CDH17: variants seen among roughly 807,000 people sequenced by gnomAD.
CDH17 encodes the protein cadherin 17.
In CDH17, 67 loss-of-function variants were observed where a neutral mutation model predicts 86.3. That is an observed-to-expected ratio of 0.78 (90% confidence interval 0.64 to 0.95). The LOEUF (loss-of-function observed/expected upper bound fraction) is 0.95, where lower values mean the gene tolerates loss of function less well. Ranked by LOEUF, CDH17 falls within the 40% of genes least tolerant of loss-of-function variation. The pLI, the probability that CDH17 is intolerant of heterozygous loss-of-function variation, is 0.00. For missense variants in CDH17, 993 were observed against 1,017.6 expected, an observed-to-expected ratio of 0.98 and a Z score of 0.33; for synonymous variants, 367 against 366.4, an observed-to-expected ratio of 1.00 and a Z score of -0.02.
At chr8:94,136,257 T>G (rs973484067) in intron 15 of CDH17, among the ~76,000 whole-genome samples, 4 of 152,246 alleles carry the variant, frequency 2.6e-5, no homozygotes, top group Non-Finnish European at 5.9e-5. Flanking sequence ...GTTTTCCAAC[T>G]TGGTTTCATT....
At chr8:94,184,459 A>G (rs1040034068) in intron 3 of CDH17, among the ~76,000 whole-genome samples, 3 of 152,246 alleles carry the variant, frequency 2.0e-5, no homozygotes, top group Non-Finnish European at 4.4e-5. Context: ...ATGGTACATA[A>G]AAGAAGTCAT....
In CDH17 at chr8:94,162,212, TTAA is replaced by T. The variant is rs754207829; in HGVS notation, c.1283-53_1283-51del. On this transcript the variant is annotated intron_variant, in intron 10 of 17. Coordinates refer to ENST00000027335, the MANE Select transcript of CDH17 (RefSeq NM_004063.4). Reference sequence around the variant, plus strand: ...AGAAATTTTCACTGAAAACCATGCATTAATATCAGAAATCTGCAAGAAAATACT... The same window carrying T: ...AGAAATTTTCACTGAAAACCATGCATTATCAGAAATCTGCAAGAAAATACT... The T allele has an allele frequency of 5.1e-6, 6 of 1,181,918 alleles. No individual in the cohort carries two copies. The African/African-American group carries it at 9.1e-5, about 18-fold the overall frequency. 73.2% of individuals were successfully genotyped at this position (1,181,918 alleles called of 1,614,324 possible).
chr8:94,152,873 G>C (rs765551589), intron 12 of CDH17, among the ~76,000 whole-genome samples: 1 of 152,134 alleles, frequency 6.6e-6, no homozygotes, highest in East Asian at 1.9e-4. Flanking sequence ...TTGCCATGTT[G>C]GCCAGGCTGG....
chr8:94,151,418 C>A (rs1029213170), intron 13 of CDH17, among the ~76,000 whole-genome samples: 1 of 152,188 alleles, frequency 6.6e-6, no homozygotes, highest in Non-Finnish European at 1.5e-5. Context: ...ATCCTACATC[C>A]AGAAGATTCC....
intron 11 of CDH17, 125 bp from the exon 12 acceptor site, chr8:94,160,287 G>T: frequency 1.5e-6 from 1 of 664,454 alleles, no homozygotes; most frequent in Admixed American, 3.2e-5. Flanking sequence ...CATGGGGCAT[G>T]TTTTTTCCTA....
intron 1 of CDH17, among the ~76,000 whole-genome samples, chr8:94,200,537 G>T (rs4735276): frequency 0.43 from 24,731 of 57,270 alleles, 5,262 homozygotes; most frequent in Middle Eastern, 0.55. Flanking sequence ...ATTATCTTTT[G>T]TTTTTTTTTT....
chr8:94,171,107 T>C, intron 7 of CDH17, 122 bp from the exon 8 acceptor site: 1 of 1,006,022 alleles, frequency 9.9e-7, no homozygotes, highest in Non-Finnish European at 1.4e-6. Flanking sequence ...TGGTTTCTTG[T>C]AACAACTGAA....
chr8:94,215,587 T>C (rs1406666136), intron 1 of CDH17, among the ~76,000 whole-genome samples: 1 of 152,208 alleles, frequency 6.6e-6, no homozygotes, highest in African/African-American at 2.4e-5. Flanking sequence ...GTTGCACAAC[T>C]CTGAGAATAC....
chr8:94,212,474 T>C (rs1814138193), upstream of CDH17, among the ~76,000 whole-genome samples: 2 of 149,928 alleles, frequency 1.3e-5, no homozygotes, highest in Non-Finnish European at 1.5e-5. Flanking sequence ...TTGGGGTTTT[T>C]GTTTGGAGGC....
chr8:94,166,100 C>T lies in CDH17; in HGVS notation c.1067-124G>A, dbSNP rs1281219757. The T allele has an allele frequency of 1.7e-5, 11 of 647,152 alleles. No homozygotes were observed. The East Asian group carries it at 2.4e-4, about 14-fold the overall frequency. The allele number at this position is 647,152 out of a possible 1,614,324, so 40.1% of individuals were successfully genotyped here. A position where few individuals can be genotyped will look rare whatever the true frequency, so the allele number is the denominator to read the frequency against. The stretch of plus-strand genomic sequence containing the variant: ...AATAACTTTGAATAGCAGACAAATG[C>T]TCTTAGAGTTATTTTGGTTCTTCTC... On this transcript the variant is annotated intron_variant, in intron 9 of 17. Coordinates refer to ENST00000027335, the MANE Select transcript of CDH17 (RefSeq NM_004063.4).
At chr8:94,174,349 T>C in intron 5 of CDH17, 89 bp from the exon 6 acceptor site, 1 of 1,319,178 alleles carries the variant, frequency 7.6e-7, no homozygotes, top group Non-Finnish European at 1.0e-6. Context: ...ATCTAAAAAG[T>C]GGAGATATAA....
chr8:94,130,479 G>A (rs1453755944), intron 17 of CDH17, 147 bp downstream of exon 17: 1 of 590,534 alleles, frequency 1.7e-6, no homozygotes, highest in African/African-American at 1.9e-5. Context: ...AAAGTCTGAT[G>A]TAATTTGCTG....
At chr8:94,165,431 A>C (rs1813133170) in intron 10 of CDH17, among the ~76,000 whole-genome samples, 1 of 151,998 alleles carries the variant, frequency 6.6e-6, no homozygotes, top group African/African-American at 2.4e-5. Flanking sequence ...TCAGGCTTGT[A>C]TTTAGGTCTG....
intron 3 of CDH17, among the ~76,000 whole-genome samples, chr8:94,184,162 A>G (rs1248898974): frequency 6.6e-6 from 1 of 152,146 alleles, no homozygotes; most frequent in Admixed American, 6.5e-5. Flanking sequence ...TGGTTTCTCA[A>G]AAGTTTAAAC....
intron 1 of CDH17, among the ~76,000 whole-genome samples, chr8:94,199,757 G>T (rs1254409833): frequency 6.6e-6 from 1 of 152,088 alleles, no homozygotes. Context: ...CACACCATGC[G>T]GTTGTTAGGA....
At chr8:94,138,188 T>A (rs1453561952) in intron 15 of CDH17, among the ~76,000 whole-genome samples, 1 of 151,978 alleles carries the variant, frequency 6.6e-6, no homozygotes, top group Non-Finnish European at 1.5e-5. Context: ...TGCCAAGAAA[T>A]TTTCCCAAAT....
At chr8:94,164,291 G>A in intron 10 of CDH17, among the ~76,000 whole-genome samples, 1 of 152,036 alleles carries the variant, frequency 6.6e-6, no homozygotes, top group Admixed American at 6.6e-5. Context: ...TTCCTTCATG[G>A]GCTACCTTGG....
chr8:94,149,335 A>G (rs1343421282), intron 13 of CDH17, among the ~76,000 whole-genome samples: 4 of 152,168 alleles, frequency 2.6e-5, no homozygotes, highest in Non-Finnish European at 5.9e-5. Context: ...AGACCCTGGT[A>G]ACACAGTGAA....
intron 12 of CDH17, among the ~76,000 whole-genome samples, chr8:94,153,995 T>C (rs1812903718): frequency 6.6e-6 from 1 of 152,230 alleles, no homozygotes; most frequent in African/African-American, 2.4e-5. Flanking sequence ...AACAACAATA[T>C]AGTGTATACT....
Sources: gnomAD v4.1 joint callset for allele counts (sites outside exome capture counted in the v4.1 genomes callset) on GRCh38, gnomAD v4.1.1 for gene constraint, MANE v1.5 for transcripts, NCBI Gene and HGNC (gene_info 2026-07-23, HGNC 2026-07-21) for gene names.